RPH3A: variants seen among roughly 807,000 people sequenced by gnomAD.
RPH3A encodes the protein rabphilin-3A.
In RPH3A, 48 loss-of-function variants were observed where a neutral mutation model predicts 102.2. The ratio of observed to expected loss-of-function variants is 0.47; its 90% CI spans 0.37 to 0.60. The LOEUF (loss-of-function observed/expected upper bound fraction) is 0.60, where lower values mean the gene tolerates loss of function less well. Ranked by LOEUF, RPH3A falls within the 20% of genes least tolerant of loss-of-function variation. The probability of loss-of-function intolerance (pLI) is 0.00; values close to 1 mark genes in which losing one functional copy is unlikely to be tolerated. For missense variants in RPH3A, 781 were observed against 910.1 expected (o/e 0.86, Z 1.83); for synonymous variants, 310 against 324.3 (o/e 0.96, Z 0.47).
chr12:112,839,605 C>A (rs191198184), intron 4 of RPH3A, among the ~76,000 whole-genome samples: 1 of 152,190 alleles, frequency 6.6e-6, no homozygotes. Context: ...CCTTTGGAGG[C>A]ATTGCCTCTG....
chr12:112,810,967 A>G (rs73198776), intron 2 of RPH3A, among the ~76,000 whole-genome samples: 201 of 113,416 alleles, frequency 1.8e-3, no homozygotes, highest in Admixed American at 3.0e-3. Flanking sequence ...GTGTACATAT[A>G]TGTGTGTGTG....
chr12:112,749,013 G>A (rs1046766216), intron 1 of RPH3A, among the ~76,000 whole-genome samples: 3 of 152,150 alleles, frequency 2.0e-5, no homozygotes, highest in Admixed American at 1.3e-4. Flanking sequence ...ATGCTCTCAT[G>A]TTCTTCTTTA....
At chr12:112,802,888 C>T (rs1299316664) in intron 2 of RPH3A, among the ~76,000 whole-genome samples, 1 of 152,130 alleles carries the variant, frequency 6.6e-6, no homozygotes, top group Non-Finnish European at 1.5e-5. Flanking sequence ...CCTGTAACAC[C>T]GACGTTGCCT....
intron 2 of RPH3A, among the ~76,000 whole-genome samples, chr12:112,803,864 C>T (rs1370353201): frequency 6.6e-6 from 1 of 152,046 alleles, no homozygotes; most frequent in African/African-American, 2.4e-5. Flanking sequence ...AGCCTGTGAC[C>T]CTGGGCAAGT....
At position 112,826,524 on chromosome 12, in the gene RPH3A, G is replaced by A. The variant is rs370044862; in HGVS notation, c.-18-1777G>A. On this transcript the variant is annotated intron_variant, in intron 2 of 21. Transcript: ENST00000389385. ...TGCAGATGTATATACCTGGTTAGTG[G>A]CCACCCAGATCAAGATATGGAATAT... Among the ~76,000 whole-genome samples the A allele has an allele frequency of 1.2e-4, 19 of 152,186 alleles. No individual in the cohort carries two copies. In the East Asian group the frequency reaches 3.3e-3, roughly 26 times the overall value.
intron 1 of RPH3A, among the ~76,000 whole-genome samples, chr12:112,750,247 C>T (rs1338809242): frequency 2.0e-5 from 3 of 152,154 alleles, no homozygotes; most frequent in Non-Finnish European, 2.9e-5. Context: ...AGTTTGGGTT[C>T]CTACGAAATA....
At chr12:112,874,310 A>G (rs1054840315) in intron 10 of RPH3A, among the ~76,000 whole-genome samples, 1 of 152,168 alleles carries the variant, frequency 6.6e-6, no homozygotes, top group African/African-American at 2.4e-5. Flanking sequence ...CAGCGTTCAA[A>G]CCCTGGCTCT....
chr12:112,597,342 G>C (rs541532163), intron 1 of RPH3A, among the ~76,000 whole-genome samples: 9 of 152,104 alleles, frequency 5.9e-5, no homozygotes, highest in African/African-American at 1.4e-4. Context: ...CAGCATTTTG[G>C]GGGGCTGAGG....
intron 1 of RPH3A, among the ~76,000 whole-genome samples, chr12:112,627,770 A>G (rs985329388): frequency 6.6e-6 from 1 of 152,102 alleles, no homozygotes; most frequent in Non-Finnish European, 1.5e-5. Context: ...GAGGTCAGGG[A>G]AGCCTTCCCT....
At chr12:112,738,438 A>AC (rs2040684520) in intron 1 of RPH3A, among the ~76,000 whole-genome samples, 1 of 152,144 alleles carries the variant, frequency 6.6e-6, no homozygotes, top group Non-Finnish European at 1.5e-5. Context: ...ATCTGCAGAT[A>AC]CCTTATTTCC....
intron 1 of RPH3A, among the ~76,000 whole-genome samples, chr12:112,581,296 C>G (rs538811470): frequency 6.6e-6 from 1 of 152,084 alleles, no homozygotes; most frequent in East Asian, 1.9e-4. Flanking sequence ...AGAGCATGTG[C>G]GAGGGAACTC....
At chr12:112,830,277 A>G (rs1156790282) in intron 3 of RPH3A, among the ~76,000 whole-genome samples, 3 of 152,080 alleles carry the variant, frequency 2.0e-5, no homozygotes, top group Non-Finnish European at 2.9e-5. Flanking sequence ...TATGATTTCT[A>G]CTTTACCCCA....
At chr12:112,803,315 T>C (rs952099218) in intron 2 of RPH3A, among the ~76,000 whole-genome samples, 6 of 151,922 alleles carry the variant, frequency 3.9e-5, no homozygotes, top group Admixed American at 1.3e-4. Context: ...TCCTCTCCCT[T>C]TCTCCCAGAT....
chr12:112,708,941 C>G (rs1442137913), intron 1 of RPH3A, among the ~76,000 whole-genome samples: 1 of 152,032 alleles, frequency 6.6e-6, no homozygotes, highest in Non-Finnish European at 1.5e-5. Context: ...GATTTTTACT[C>G]TCATTTATTG....
chr12:112,619,058 C>T (rs566429084), intron 1 of RPH3A, among the ~76,000 whole-genome samples: 119 of 152,216 alleles, frequency 7.8e-4, no homozygotes, highest in Non-Finnish European at 1.3e-3. Context: ...GTTTGAATAA[C>T]GTTTCATTAG....
chr12:112,674,600 G>A (rs2040159714), intron 1 of RPH3A, among the ~76,000 whole-genome samples: 1 of 152,160 alleles, frequency 6.6e-6, no homozygotes, highest in Non-Finnish European at 1.5e-5. Flanking sequence ...AGAGGAGAGA[G>A]GGATTGTTTT....
chr12:112,697,526 G>C (rs1406755639), intron 1 of RPH3A, among the ~76,000 whole-genome samples: 1 of 152,138 alleles, frequency 6.6e-6, no homozygotes, highest in African/African-American at 2.4e-5. Context: ...ATATTGTTAA[G>C]ATGTCTAGTC....
At chr12:112,781,400 CTT>C (rs1388493124) in intron 1 of RPH3A, among the ~76,000 whole-genome samples, 3 of 152,052 alleles carry the variant, frequency 2.0e-5, no homozygotes, top group African/African-American at 7.3e-5. Flanking sequence ...GTGGCTGCGA[CTT>C]TAGAACCATC....
intron 1 of RPH3A, among the ~76,000 whole-genome samples, chr12:112,715,828 A>G (rs969432924): frequency 1.3e-5 from 2 of 152,338 alleles, no homozygotes; most frequent in Non-Finnish European, 2.9e-5. Flanking sequence ...CTAAGAAAGT[A>G]ATGGAATAAA....
Sources: allele counts gnomAD v4.1 joint callset (sites outside exome capture counted in the v4.1 genomes callset), GRCh38; gene constraint gnomAD v4.1.1; transcripts MANE v1.5; gene names NCBI Gene and HGNC (gene_info 2026-07-23, HGNC 2026-07-21).